The following TMEM117 variants were observed in gnomAD, a reference collection of about 807,000 sequenced individuals.
TMEM117 encodes the protein transmembrane protein 117.
TMEM117 carries 27 observed loss-of-function variants against 52.4 expected under a neutral mutation model. That is an observed-to-expected ratio of 0.51 (90% CI 0.38 to 0.71). TMEM117 has a LOEUF of 0.71. TMEM117 is among the 30% of genes least tolerant of loss of function. The pLI is 0.00. For missense variants in TMEM117, 556 were observed against 630.5 expected (o/e 0.88, Z 1.26); for synonymous variants, 215 against 206.3 (o/e 1.04, Z -0.36).
the TMEM117 span, among the ~76,000 whole-genome samples, chr12:43,812,733 CG>C: frequency 6.6e-6 from 1 of 151,754 alleles, no homozygotes; most frequent in South Asian, 2.1e-4. Context: ...AGGTCGGGTG[CG>C]GTGGCTCATG....
At chr12:44,067,638 A>C (rs1440402647) in intron 3 of TMEM117, among the ~76,000 whole-genome samples, 4 of 152,204 alleles carry the variant, frequency 2.6e-5, no homozygotes, top group African/African-American at 9.7e-5. Context: ...GTGGGCTTAA[A>C]ATATTCAGCA....
intron 3 of TMEM117, among the ~76,000 whole-genome samples, chr12:44,003,493 C>T (rs1946147261): frequency 6.6e-6 from 1 of 152,190 alleles, no homozygotes; most frequent in South Asian, 2.1e-4. Flanking sequence ...TCTTGTCTTT[C>T]TCCGCTCAGC....
At chr12:44,061,570 C>T (rs189759770) in intron 3 of TMEM117, among the ~76,000 whole-genome samples, 10 of 152,196 alleles carry the variant, frequency 6.6e-5, no homozygotes, top group Admixed American at 4.6e-4. Context: ...CTTCATGGTA[C>T]GTGACACCTC....
chr12:44,369,629 T>A (rs1951835713), intron 6 of TMEM117, among the ~76,000 whole-genome samples: 1 of 152,218 alleles, frequency 6.6e-6, no homozygotes, highest in African/African-American at 2.4e-5. Context: ...GAGAGTTCAT[T>A]GCTGTATTAG....
chr12:44,168,209 C>T (rs1369931514), intron 4 of TMEM117, among the ~76,000 whole-genome samples: 4 of 151,264 alleles, frequency 2.6e-5, no homozygotes, highest in Non-Finnish European at 4.4e-5. Flanking sequence ...GCTGAGATGG[C>T]GCTACTGGAC....
At chr12:44,088,706 G>T (rs1337064851) in intron 3 of TMEM117, among the ~76,000 whole-genome samples, 1 of 152,140 alleles carries the variant, frequency 6.6e-6, no homozygotes, top group East Asian at 1.9e-4. Flanking sequence ...GTAGTTCTGG[G>T]AATACACCTA....
intron 6 of TMEM117, among the ~76,000 whole-genome samples, chr12:44,341,129 A>C (rs570214592): frequency 2.0e-5 from 3 of 151,988 alleles, no homozygotes; most frequent in Non-Finnish European, 2.9e-5. Flanking sequence ...CCTCCCAAGT[A>C]ACTGGGACTA....
chr12:44,338,532 A>G (rs982948697), intron 6 of TMEM117, among the ~76,000 whole-genome samples: 1 of 152,030 alleles, frequency 6.6e-6, no homozygotes, highest in Non-Finnish European at 1.5e-5. Context: ...TAACATGTGT[A>G]AAACATTTTA....
At chr12:44,366,337 G>A (rs1457756075) in intron 6 of TMEM117, among the ~76,000 whole-genome samples, 6 of 152,018 alleles carry the variant, frequency 3.9e-5, no homozygotes, top group Admixed American at 1.3e-4. Context: ...AGACCCTGAG[G>A]ATGATAGAAT....
At chr12:43,950,520 A>T (rs1239491965) in intron 3 of TMEM117, among the ~76,000 whole-genome samples, 2 of 146,854 alleles carry the variant, frequency 1.4e-5, no homozygotes, top group Admixed American at 7.0e-5. Context: ...CACATAGCTC[A>T]GACTGCTCTG....
chr12:43,918,134 G>A (rs1388772876), intron 2 of TMEM117, among the ~76,000 whole-genome samples: 1 of 152,110 alleles, frequency 6.6e-6, no homozygotes, highest in Non-Finnish European at 1.5e-5. Flanking sequence ...TAGCCTACAG[G>A]GTGCTGCAGA....
upstream of TMEM117, among the ~76,000 whole-genome samples, chr12:43,830,976 T>C (rs901977086): frequency 6.6e-6 from 1 of 152,202 alleles, no homozygotes; most frequent in African/African-American, 2.4e-5. Flanking sequence ...GCAACATACA[T>C]GTGATGGCCA....
intron 2 of TMEM117, among the ~76,000 whole-genome samples, chr12:43,864,886 G>T (rs1565724937): frequency 6.6e-6 from 1 of 151,988 alleles, no homozygotes; most frequent in Non-Finnish European, 1.5e-5. Context: ...TTTATGAGCT[G>T]TAACACTCAC....
intron 3 of TMEM117, among the ~76,000 whole-genome samples, chr12:44,021,404 G>T (rs1946454057): frequency 6.6e-6 from 1 of 152,128 alleles, no homozygotes; most frequent in Admixed American, 6.6e-5. Context: ...AAGGATAATA[G>T]CCTCCAGCCT....
At chr12:44,102,394 A>T (rs936564367) in intron 3 of TMEM117, among the ~76,000 whole-genome samples, 1 of 151,928 alleles carries the variant, frequency 6.6e-6, no homozygotes, top group African/African-American at 2.4e-5. Context: ...TGGAGAAGTG[A>T]GTTAGGTGAT....
At chr12:43,804,354 T>C in the TMEM117 span, 6 of 631,338 alleles carry the variant, frequency 9.5e-6, no homozygotes, top group South Asian at 8.8e-5. Flanking sequence ...CTGCACAAAA[T>C]ATGAGGAATC....
chr12:44,088,950 C>T (rs2138036741), intron 3 of TMEM117, among the ~76,000 whole-genome samples: 1 of 152,294 alleles, frequency 6.6e-6, no homozygotes. Flanking sequence ...TGGAGGACTG[C>T]ACTTTCTATA....
At chr12:44,357,920 C>A (rs1951672655) in intron 6 of TMEM117, among the ~76,000 whole-genome samples, 1 of 152,122 alleles carries the variant, frequency 6.6e-6, no homozygotes, top group South Asian at 2.1e-4. Context: ...TGGAATCAAC[C>A]TAGGTGCCCA....
At chr12:43,828,939 A>G in the TMEM117 span, among the ~76,000 whole-genome samples, 7 of 151,784 alleles carry the variant, frequency 4.6e-5, no homozygotes, top group Non-Finnish European at 8.8e-5. Flanking sequence ...AGCGTTGGGC[A>G]TTGGGATTTT....
Sources: gnomAD v4.1 joint callset for allele counts (sites outside exome capture counted in the v4.1 genomes callset) on GRCh38, gnomAD v4.1.1 for gene constraint, MANE v1.5 for transcripts, NCBI Gene and HGNC (gene_info 2026-07-23, HGNC 2026-07-21) for gene names.